LMX1A: variants seen among roughly 807,000 people sequenced by gnomAD.
The protein encoded by LMX1A is LIM homeobox transcription factor 1 alpha, also known as LIM homeobox transcription factor 1-alpha.
In LMX1A, 15 loss-of-function variants were observed where a neutral mutation model predicts 49.1. That is an observed-to-expected ratio of 0.31 (90% CI 0.20 to 0.47). The LOEUF is 0.47. Ranked by LOEUF, LMX1A falls within the 20% of genes least tolerant of loss-of-function variation. The pLI is 1.00. For synonymous variants in LMX1A, 167 were observed against 185.7 expected (o/e 0.90, Z 0.82); for missense variants, 372 against 475.8 (o/e 0.78, Z 2.03).
intron 3 of LMX1A, among the ~76,000 whole-genome samples, chr1:165,336,622 C>T (rs1655905725): frequency 6.6e-6 from 1 of 152,000 alleles, no homozygotes; most frequent in South Asian, 2.1e-4. Context: ...TTATTTACCC[C>T]TACTCCAACC....
intron 3 of LMX1A, among the ~76,000 whole-genome samples, chr1:165,298,446 T>C (rs766045272): frequency 1.1e-4 from 17 of 152,212 alleles, no homozygotes; most frequent in Non-Finnish European, 1.8e-4. Flanking sequence ...AAGCAGGACA[T>C]GCTGCTATGG....
intron 3 of LMX1A, among the ~76,000 whole-genome samples, chr1:165,294,240 G>C (rs545396296): frequency 2.7e-4 from 41 of 151,326 alleles, no homozygotes; most frequent in African/African-American, 9.6e-4. Context: ...CTGCAGTTAC[G>C]AGCCCAGGCT....
intron 3 of LMX1A, among the ~76,000 whole-genome samples, chr1:165,294,531 C>G (rs10800080): frequency 6.6e-6 from 1 of 152,064 alleles, no homozygotes; most frequent in Non-Finnish European, 1.5e-5. Context: ...ACCTCAAAAA[C>G]ATACAGATCA....
chr1:165,306,647 G>T (rs1418000417), intron 3 of LMX1A, among the ~76,000 whole-genome samples: 1 of 152,240 alleles, frequency 6.6e-6, no homozygotes, highest in Non-Finnish European at 1.5e-5. Context: ...TGCTCTTTCT[G>T]TATTTTCCTG....
intron 3 of LMX1A, among the ~76,000 whole-genome samples, chr1:165,276,023 T>C (rs569000978): frequency 9.3e-4 from 141 of 151,836 alleles, no homozygotes; most frequent in African/African-American, 3.0e-3. Flanking sequence ...GTGTGAGTGA[T>C]GGGATGCACA....
At chr1:165,267,146 A>G (rs1246321356) in intron 3 of LMX1A, among the ~76,000 whole-genome samples, 1 of 152,194 alleles carries the variant, frequency 6.6e-6, no homozygotes, top group Non-Finnish European at 1.5e-5. Flanking sequence ...CCCATTAGGC[A>G]GTTTCCCACC....
At chr1:165,329,491 C>T (rs1437051384) in intron 3 of LMX1A, among the ~76,000 whole-genome samples, 7 of 152,112 alleles carry the variant, frequency 4.6e-5, no homozygotes, top group South Asian at 4.1e-4. Flanking sequence ...CAGCATGACA[C>T]GGTCTGAGAA....
intron 3 of LMX1A, among the ~76,000 whole-genome samples, chr1:165,333,700 T>C (rs1293133754): frequency 2.0e-5 from 3 of 152,204 alleles, no homozygotes; most frequent in Non-Finnish European, 4.4e-5. Context: ...AAATACTTTA[T>C]AGTTCTTGAA....
intron 4 of LMX1A, among the ~76,000 whole-genome samples, chr1:165,246,082 C>G (rs535597365): frequency 1.2e-4 from 19 of 152,080 alleles, no homozygotes; most frequent in Non-Finnish European, 2.1e-4. Flanking sequence ...TGTACTGAGG[C>G]AGATCCTAAA....
intron 3 of LMX1A, among the ~76,000 whole-genome samples, chr1:165,253,050 C>T (rs541662965): frequency 2.6e-5 from 4 of 152,346 alleles, no homozygotes; most frequent in African/African-American, 7.2e-5. Flanking sequence ...ACCATCCCAA[C>T]AGCATTCATG....
At chr1:165,266,896 CGGCT>C (rs1653642150) in intron 3 of LMX1A, among the ~76,000 whole-genome samples, 1 of 148,260 alleles carries the variant, frequency 6.7e-6, no homozygotes, top group African/African-American at 2.4e-5. Flanking sequence ...CCACTGTGCC[CGGCT>C]TGCTTGCTTG....
At chr1:165,204,814 G>A (rs752515761) in intron 8 of LMX1A, among the ~76,000 whole-genome samples, 2 of 152,150 alleles carry the variant, frequency 1.3e-5, no homozygotes, top group African/African-American at 4.8e-5. Context: ...CCTGTTTTCC[G>A]ATAGCTGTGG....
intron 4 of LMX1A, among the ~76,000 whole-genome samples, chr1:165,241,876 G>A (rs4656439): frequency 1 from 152,071 of 152,316 alleles, 75,913 homozygotes; most frequent in Middle Eastern, 1. Context: ...GGAGAGCATG[G>A]CCCAGAAGAG....
At chr1:165,285,698 G>A (rs1295952361) in intron 3 of LMX1A, among the ~76,000 whole-genome samples, 1 of 152,184 alleles carries the variant, frequency 6.6e-6, no homozygotes, top group Non-Finnish European at 1.5e-5. Flanking sequence ...TAGAAGTAGG[G>A]AAGCATTCTT....
intron 3 of LMX1A, among the ~76,000 whole-genome samples, chr1:165,348,966 G>T (rs1656333496): frequency 6.6e-6 from 1 of 152,300 alleles, no homozygotes; most frequent in Admixed American, 6.5e-5. Flanking sequence ...TCTGAGGAAA[G>T]GTTTCCCAAG....
chr1:165,341,578 A>G (rs1003640674), intron 3 of LMX1A, among the ~76,000 whole-genome samples: 1 of 108,028 alleles, frequency 9.3e-6, no homozygotes, highest in Non-Finnish European at 1.8e-5. Context: ...ACATAGACAG[A>G]CAATAAACCA....
chr1:165,218,352 G>C (rs1484363083), intron 4 of LMX1A: 1 of 152,282 alleles, frequency 6.6e-6, no homozygotes, highest in African/African-American at 2.4e-5. Context: ...GGGCATCCTG[G>C]CACATCTGAG....
intron 6 of LMX1A, among the ~76,000 whole-genome samples, chr1:165,209,997 C>T (rs964472824): frequency 6.6e-6 from 1 of 152,168 alleles, no homozygotes; most frequent in Non-Finnish European, 1.5e-5. Flanking sequence ...CAATTGATTG[C>T]TTGCTTGGTG....
At chr1:165,263,018 T>C (rs73029265) in intron 3 of LMX1A, among the ~76,000 whole-genome samples, 3,641 of 152,234 alleles carry the variant, frequency 0.024, 137 homozygotes, top group African/African-American at 0.084. Flanking sequence ...CTTCCAGGAC[T>C]GCTCACTCCT....
Sources: allele counts gnomAD v4.1 joint callset (sites outside exome capture counted in the v4.1 genomes callset), GRCh38; gene constraint gnomAD v4.1.1; transcripts MANE v1.5; gene names NCBI Gene and HGNC (gene_info 2026-07-23, HGNC 2026-07-21).